TBC1D4: variants seen among roughly 807,000 people sequenced by gnomAD.
The protein encoded by TBC1D4 is TBC1 domain family member 4.
TBC1D4 carries 121 observed loss-of-function variants against 142.5 expected under a neutral mutation model. That is an observed-to-expected ratio of 0.85 (90% CI 0.73 to 0.99). The LOEUF is 0.99. TBC1D4 is among the 50% of genes least tolerant of loss of function. The pLI, the probability that TBC1D4 is intolerant of heterozygous loss-of-function variation, is 0.00. For synonymous variants in TBC1D4, 630 were observed against 628.2 expected (o/e 1.00, Z -0.04); for missense variants, 1,475 against 1,606.6 (o/e 0.92, Z 1.40).
At chr13:75,350,413 G>A (rs1007195773) in intron 4 of TBC1D4, among the ~76,000 whole-genome samples, 1 of 152,144 alleles carries the variant, frequency 6.6e-6, no homozygotes, top group Admixed American at 6.5e-5. Flanking sequence ...ACACCAAGCA[G>A]TCAGTCATTA....
chr13:75,426,703 A>T (rs1886383204), intron 1 of TBC1D4, among the ~76,000 whole-genome samples: 1 of 152,148 alleles, frequency 6.6e-6, no homozygotes. Context: ...AACTAAATGA[A>T]AGAAAAAGCA....
chr13:75,346,408 T>C (rs1354061073), intron 5 of TBC1D4, among the ~76,000 whole-genome samples: 3 of 152,200 alleles, frequency 2.0e-5, no homozygotes, highest in African/African-American at 4.8e-5. Flanking sequence ...TTTGGTTTTC[T>C]GTTCCTGTGT....
At chr13:75,373,773 T>C (rs1487684971) in intron 1 of TBC1D4, among the ~76,000 whole-genome samples, 4 of 152,132 alleles carry the variant, frequency 2.6e-5, no homozygotes, top group African/African-American at 9.7e-5. Context: ...CTACGAAAGG[T>C]TCTGATCAGA....
chr13:75,332,747 C>T (rs1370536371), intron 8 of TBC1D4, among the ~76,000 whole-genome samples: 1 of 152,176 alleles, frequency 6.6e-6, no homozygotes, highest in Non-Finnish European at 1.5e-5. Flanking sequence ...TTCAGTTTTC[C>T]ACTGATAAAA....
At chr13:75,453,253 A>T (rs139346551) in intron 1 of TBC1D4, among the ~76,000 whole-genome samples, 365 of 152,144 alleles carry the variant, frequency 2.4e-3, no homozygotes, top group African/African-American at 8.4e-3. Flanking sequence ...GCAGCACATT[A>T]GAGTTTAACC....
intron 8 of TBC1D4, among the ~76,000 whole-genome samples, chr13:75,334,725 A>G (rs1880053714): frequency 6.6e-6 from 1 of 151,960 alleles, no homozygotes; most frequent in South Asian, 2.1e-4. Flanking sequence ...CTGGGATTAC[A>G]GGCACGCAAC....
At chr13:75,379,283 T>G (rs1300023289) in intron 1 of TBC1D4, among the ~76,000 whole-genome samples, 10 of 151,540 alleles carry the variant, frequency 6.6e-5, no homozygotes, top group Admixed American at 6.6e-4. Flanking sequence ...CACACACAGC[T>G]TTTCAAGATA....
intron 1 of TBC1D4, chr13:75,375,773 C>CCGACACACA (rs61021889): frequency 4.5e-5 from 6 of 133,734 alleles, no homozygotes; most frequent in African/African-American, 1.8e-4. Context: ...CCCACCCCCC[C>CCGACACACA]CACACACACA....
chr13:75,323,618 T>A (rs1022512677), intron 11 of TBC1D4, among the ~76,000 whole-genome samples: 3 of 152,166 alleles, frequency 2.0e-5, no homozygotes, highest in African/African-American at 7.2e-5. Context: ...CAAAATAGAA[T>A]GTTCACAAGA....
At chr13:75,336,490 T>C (rs1473605117) in intron 8 of TBC1D4, among the ~76,000 whole-genome samples, 1 of 152,142 alleles carries the variant, frequency 6.6e-6, no homozygotes, top group Non-Finnish European at 1.5e-5. Flanking sequence ...GGTGAATCAC[T>C]TGAGGTCAGG....
chr13:75,417,648 G>C (rs1381421419), intron 1 of TBC1D4, among the ~76,000 whole-genome samples: 2 of 152,140 alleles, frequency 1.3e-5, no homozygotes, highest in Non-Finnish European at 2.9e-5. Flanking sequence ...AAAGGATGTG[G>C]CCTCCTTTAA....
chr13:75,411,629 G>T (rs1885669381), intron 1 of TBC1D4, among the ~76,000 whole-genome samples: 1 of 151,964 alleles, frequency 6.6e-6, no homozygotes. Flanking sequence ...GGGTTCAAGA[G>T]ATTCTCCTGC....
At chr13:75,371,351 T>G (rs1883211224) in intron 1 of TBC1D4, among the ~76,000 whole-genome samples, 1 of 151,942 alleles carries the variant, frequency 6.6e-6, no homozygotes, top group Admixed American at 6.6e-5. Flanking sequence ...GCTGGAGCAA[T>G]CTCCTTAAGT....
chr13:75,316,444 T>C (rs751181257), intron 12 of TBC1D4: 1 of 152,162 alleles, frequency 6.6e-6, no homozygotes, highest in Non-Finnish European at 1.5e-5. Context: ...AAATAGAAGA[T>C]AATAATATAC....
At chr13:75,329,039 T>C (rs551604921) in intron 8 of TBC1D4, among the ~76,000 whole-genome samples, 25 of 152,198 alleles carry the variant, frequency 1.6e-4, no homozygotes, top group African/African-American at 5.3e-4. Flanking sequence ...TTAGGAAGTA[T>C]CTATTGACTT....
intron 1 of TBC1D4, among the ~76,000 whole-genome samples, chr13:75,381,489 CAG>C (rs1379166158): frequency 1.3e-5 from 2 of 152,158 alleles, no homozygotes; most frequent in Non-Finnish European, 2.9e-5. Context: ...TAAAAAGAAA[CAG>C]GGGCATACCA....
At chr13:75,353,078 T>G (rs1881747928) in intron 4 of TBC1D4, among the ~76,000 whole-genome samples, 1 of 152,174 alleles carries the variant, frequency 6.6e-6, no homozygotes, top group Non-Finnish European at 1.5e-5. Context: ...TAAGAATAAT[T>G]ATGCCAAACC....
chr13:75,434,635 A>G (rs1886724032), intron 1 of TBC1D4, among the ~76,000 whole-genome samples: 1 of 152,134 alleles, frequency 6.6e-6, no homozygotes, highest in Admixed American at 6.6e-5. Flanking sequence ...TGTACCCCCA[A>G]ACCGAAAATA....
At chr13:75,352,040 C>G (rs1881647585) in intron 4 of TBC1D4, among the ~76,000 whole-genome samples, 1 of 152,166 alleles carries the variant, frequency 6.6e-6, no homozygotes, top group African/African-American at 2.4e-5. Context: ...CTTCTTGTCC[C>G]TAGGCTGAAT....
Sources: allele counts gnomAD v4.1 joint callset (sites outside exome capture counted in the v4.1 genomes callset), GRCh38; gene constraint gnomAD v4.1.1; transcripts MANE v1.5; gene names NCBI Gene and HGNC (gene_info 2026-07-23, HGNC 2026-07-21).